The following IFI16 variants were observed in gnomAD, a reference collection of about 807,000 sequenced individuals.
IFI16 encodes interferon gamma inducible protein 16.
A neutral mutation model predicts 68.4 loss-of-function variants in IFI16; 49 were observed. The observed-to-expected ratio is 0.72, with a 90% CI of 0.57 to 0.91. The LOEUF is 0.91. IFI16 is among the 40% of genes least tolerant of loss of function. IFI16 has a pLI of 0.00. For missense variants in IFI16, 878 were observed against 942.9 expected (o/e 0.93, Z 0.90); for synonymous variants, 307 against 315.0 (o/e 0.97, Z 0.27).
intron 6 of IFI16, among the ~76,000 whole-genome samples, chr1:159,025,820 C>A (rs1262855740): frequency 1.3e-5 from 2 of 152,144 alleles, no homozygotes; most frequent in Non-Finnish European, 2.9e-5. Flanking sequence ...GATTTAAGTT[C>A]TTGATCCATC....
At chr1:159,023,354 G>T (rs984948264) in intron 6 of IFI16, among the ~76,000 whole-genome samples, 2 of 152,026 alleles carry the variant, frequency 1.3e-5, no homozygotes, top group African/African-American at 4.8e-5. Context: ...CATCTGGCTG[G>T]TAGGTCCTAA....
intron 5 of IFI16, among the ~76,000 whole-genome samples, chr1:159,019,268 A>C (rs1032746378): frequency 2.0e-5 from 3 of 151,910 alleles, no homozygotes; most frequent in Non-Finnish European, 4.4e-5. Context: ...TAACAAAAAA[A>C]AAAAATAGAG....
In IFI16 at chr1:159,039,516, G is replaced by C. The variant is rs1654498045; in HGVS notation, c.1330-5781G>C. Among the ~76,000 whole-genome samples, 4 of 151,982 alleles carry C rather than the reference G, an allele frequency of 2.6e-5. No individual in the cohort carries two copies. The South Asian group carries it at 8.3e-4, about 32-fold the overall frequency. On this transcript the variant is annotated intron_variant, in intron 7 of 11. Coordinates refer to ENST00000295809, the MANE Select transcript of IFI16 (RefSeq NM_001376587.1). Reference sequence around the variant, plus strand: ...GCACCACCATGCCAGGCCAATTTTTGTATTTTTAGTAGAGACGGGGTTTAA... The same window carrying C: ...GCACCACCATGCCAGGCCAATTTTTCTATTTTTAGTAGAGACGGGGTTTAA...
chr1:159,020,657 C>T, intron 6 of IFI16, 128 bp downstream of exon 6: 1 of 555,954 alleles, frequency 1.8e-6, no homozygotes, highest in South Asian at 3.1e-5. Flanking sequence ...AGATATTCTC[C>T]TTGTATTCAC....
At chr1:159,044,648 A>C (rs1249731181) in intron 7 of IFI16, among the ~76,000 whole-genome samples, 2 of 152,196 alleles carry the variant, frequency 1.3e-5, no homozygotes, top group East Asian at 3.8e-4. Context: ...GATTTTAGAG[A>C]TATTCCCCAA....
Position 159,032,652 on chromosome 1 carries a change from G to C in IFI16, c.1290G>C (p.Gln430His), listed in dbSNP as rs753381998. 1.2e-6 allele frequency: 2 copies of C among 1,607,568 alleles called. No individual in the cohort carries two copies. Among genetic ancestry groups the C allele is most frequent in the Non-Finnish European group, 1.7e-6 (2 of 1,177,772 alleles). The change falls in exon 7 of 12, where the codon CAG (glutamine) becomes CAC (histidine). Residue 430 changes from glutamine to histidine, a missense_variant. Physicochemically the swap from Gln to His is conservative, Grantham distance 24. Transcript: ENST00000295809. ...TFPESHLRTPQMPPTTPSSSF... is the reference protein window; with the variant it reads ...TFPESHLRTPHMPPTTPSSSF... ...CTGAGAGCCATCTTCGGACTCCTCA[G>C]ATGCCACCAACAACTCCATCCAGCA...
At chr1:159,032,059 A>G (rs913695756) in intron 6 of IFI16, among the ~76,000 whole-genome samples, 6 of 152,364 alleles carry the variant, frequency 3.9e-5, no homozygotes, top group Admixed American at 3.9e-4. Flanking sequence ...CATTATGGGA[A>G]ATCAATGTGC....
chr1:159,049,659 A>C (rs1029318850), intron 9 of IFI16, 60 bp downstream of exon 9: 23 of 1,600,612 alleles, frequency 1.4e-5, no homozygotes, highest in Non-Finnish European at 1.9e-5. Context: ...AAGGATTAAC[A>C]CAACCGTGAA....
intron 5 of IFI16, among the ~76,000 whole-genome samples, chr1:159,019,051 T>C (rs1248851332): frequency 6.6e-6 from 1 of 152,184 alleles, no homozygotes; most frequent in African/African-American, 2.4e-5. Flanking sequence ...TGAAGTATTG[T>C]CCTCTGAGGC....
intron 3 of IFI16, 70 bp from the exon 4 acceptor site, chr1:159,016,463 C>T (rs1399312978): frequency 1.5e-6 from 2 of 1,340,582 alleles, no homozygotes; most frequent in African/African-American, 1.5e-5. Flanking sequence ...AACTACTATC[C>T]AATAATGAAA....
At chr1:159,001,632 C>T (rs1440198714), upstream of IFI16, among the ~76,000 whole-genome samples, 1 of 152,156 alleles carries the variant, frequency 6.6e-6, no homozygotes, top group Non-Finnish European at 1.5e-5. Flanking sequence ...ATTTCCTGAG[C>T]ATCTATTATA....
At chr1:159,009,254 A>G (rs1400944034), upstream of IFI16, 1 of 152,236 alleles carries the variant, frequency 6.6e-6, no homozygotes, top group South Asian at 2.1e-4. Context: ...GGTCAAGAGG[A>G]CAGCTAGTGT....
At chr1:159,004,609 G>A (rs1652184652), upstream of IFI16, among the ~76,000 whole-genome samples, 1 of 152,144 alleles carries the variant, frequency 6.6e-6, no homozygotes, top group African/African-American at 2.4e-5. Context: ...GGAGGCTGAA[G>A]CAGGAGAATC....
chr1:159,040,590 A>G (rs1654570289), intron 7 of IFI16, among the ~76,000 whole-genome samples: 1 of 152,248 alleles, frequency 6.6e-6, no homozygotes. Flanking sequence ...TAAATAGAGA[A>G]ACATTTTTAA....
intron 6 of IFI16, among the ~76,000 whole-genome samples, chr1:159,028,384 T>C (rs1653797525): frequency 6.6e-6 from 1 of 152,142 alleles, no homozygotes; most frequent in Admixed American, 6.5e-5. Flanking sequence ...GTACTTGATA[T>C]AATTTCAATT....
chr1:159,023,814 A>G lies in IFI16; in HGVS notation c.1161+3285A>G, dbSNP rs117822129. On this transcript the variant is annotated intron_variant, in intron 6 of 11. Transcript: ENST00000295809. The stretch of plus-strand genomic sequence containing the variant: ...TCTTGGAAAGGCTTGAGCTCCTTGC[A>G]TCCTTTTATGCTTCTAAGGAACACC... Among the ~76,000 whole-genome samples, 840 of 152,322 alleles carry G rather than the reference A, an allele frequency of 5.5e-3. 20 individuals are homozygous for G. The East Asian group carries it at 0.075, about 14-fold the overall frequency.
At chr1:159,015,111 T>A (rs1314176631) in intron 2 of IFI16, among the ~76,000 whole-genome samples, 166 bp downstream of exon 2, 2 of 152,168 alleles carry the variant, frequency 1.3e-5, no homozygotes, top group Non-Finnish European at 2.9e-5. Flanking sequence ...GACAACTTAG[T>A]GCATTCCATT....
At chr1:159,003,114 C>T (rs561931881), upstream of IFI16, among the ~76,000 whole-genome samples, 13 of 152,304 alleles carry the variant, frequency 8.5e-5, no homozygotes, top group African/African-American at 3.1e-4. Context: ...AAACTTCCAT[C>T]TCTGGTGGGA....
At chr1:159,007,243 A>C (rs1038251191), upstream of IFI16, among the ~76,000 whole-genome samples, 2 of 152,228 alleles carry the variant, frequency 1.3e-5, no homozygotes, top group Non-Finnish European at 2.9e-5. Flanking sequence ...CTTTGGGAAA[A>C]TCAGATTCTG....
Sources: gnomAD v4.1 joint callset for allele counts (sites outside exome capture counted in the v4.1 genomes callset) on GRCh38, gnomAD v4.1.1 for gene constraint, MANE v1.5 for transcripts, NCBI Gene and HGNC (gene_info 2026-07-23, HGNC 2026-07-21) for gene names.